The following ADGB variants were observed in gnomAD, a reference collection of about 807,000 sequenced individuals.
The protein encoded by ADGB is androglobin, also known as calpain-7-like protein.
ADGB carries 172 observed loss-of-function variants against 210.5 expected under a neutral mutation model. That is an observed-to-expected ratio of 0.82 (90% CI 0.72 to 0.93). ADGB has a LOEUF of 0.93. Ranked by LOEUF, ADGB falls within the 40% of genes least tolerant of loss-of-function variation. The pLI, the probability that ADGB is intolerant of heterozygous loss-of-function variation, is 0.00. For synonymous variants in ADGB, 658 were observed against 662.7 expected (o/e 0.99, Z 0.11); for missense variants, 2,025 against 1,964.8 (o/e 1.03, Z -0.58).
chr6:146,732,353 T>C (rs1282720789), intron 20 of ADGB, among the ~76,000 whole-genome samples: 2 of 152,172 alleles, frequency 1.3e-5, no homozygotes, highest in Non-Finnish European at 2.9e-5. Context: ...TGCCACCAAG[T>C]AACTGACTGG....
intron 25 of ADGB, among the ~76,000 whole-genome samples, chr6:146,743,637 G>A (rs1375162943): frequency 2.6e-5 from 4 of 152,184 alleles, no homozygotes; most frequent in African/African-American, 4.8e-5. Flanking sequence ...GTTAAGGCCG[G>A]GCGCAGTGGC....
chr6:146,632,331 C>A (rs1023089584), intron 1 of ADGB, among the ~76,000 whole-genome samples: 1 of 152,162 alleles, frequency 6.6e-6, no homozygotes, highest in East Asian at 1.9e-4. Context: ...TCTTCAGCAG[C>A]CACTTTTCCC....
chr6:146,797,556 TAC>T (rs1397568885), intron 33 of ADGB, among the ~76,000 whole-genome samples: 3 of 152,036 alleles, frequency 2.0e-5, no homozygotes, highest in Admixed American at 6.6e-5. Context: ...TATACATATA[TAC>T]ACACACACTG....
intron 13 of ADGB, among the ~76,000 whole-genome samples, chr6:146,707,888 T>C (rs2114553619): frequency 6.6e-6 from 1 of 152,232 alleles, no homozygotes; most frequent in Non-Finnish European, 1.5e-5. Context: ...TTAATTTTTT[T>C]CTGGTTGTTT....
In ADGB at chr6:146,724,223, T is replaced by C; in HGVS notation, c.2133T>C (p.Leu711=). The C allele has an allele frequency of 6.4e-7, 1 of 1,551,196 alleles. No homozygotes were observed. The highest frequency in any genetic ancestry group is 8.7e-7 in the Non-Finnish European group (1 of 1,146,774). The change falls in exon 18 of 36, where the codon CTT becomes CTC. Residue 711 remains leucine (L), a synonymous_variant. Coordinates refer to ENST00000397944, the MANE Select transcript of ADGB (RefSeq NM_024694.4). ...TKDSPPIEPG[L]LTAETFSWKS... ...ACAGTCCTCCCATAGAGCCTGGACTTCTCACAGCTGAAACGTTTTCTTGGA... is the reference window on the plus strand; with the variant it reads ...ACAGTCCTCCCATAGAGCCTGGACTCCTCACAGCTGAAACGTTTTCTTGGA...
At chr6:146,791,916 C>T (rs1165819140) in intron 33 of ADGB, among the ~76,000 whole-genome samples, 2 of 143,410 alleles carry the variant, frequency 1.4e-5, no homozygotes, top group African/African-American at 2.6e-5. Flanking sequence ...TGCCACTGCA[C>T]CTTGCTTTTT....
intron 27 of ADGB, among the ~76,000 whole-genome samples, chr6:146,753,482 A>G (rs1019581317): frequency 2.0e-5 from 3 of 151,996 alleles, no homozygotes; most frequent in African/African-American, 7.2e-5. Context: ...CCAAGGTTAA[A>G]TAACTGATGA....
intron 3 of ADGB, among the ~76,000 whole-genome samples, chr6:146,647,983 GT>G (rs1180100428): frequency 4.0e-5 from 6 of 151,666 alleles, no homozygotes; most frequent in Non-Finnish European, 7.4e-5. Context: ...ACATACAAAG[GT>G]TTTAAAAATA....
At chr6:146,721,770 G>A (rs1055558391) in intron 17 of ADGB, among the ~76,000 whole-genome samples, 17 of 152,174 alleles carry the variant, frequency 1.1e-4, no homozygotes, top group South Asian at 2.1e-4. Flanking sequence ...CCCAGGAGGC[G>A]GAGGTTGCAG....
intron 27 of ADGB, among the ~76,000 whole-genome samples, chr6:146,753,649 G>A (rs1343394001): frequency 2.0e-5 from 3 of 151,844 alleles, no homozygotes; most frequent in Non-Finnish European, 2.9e-5. Flanking sequence ...AACATTATTA[G>A]TTATTTGTTG....
intron 2 of ADGB, among the ~76,000 whole-genome samples, chr6:146,640,392 T>G (rs1775489576): frequency 6.6e-6 from 1 of 151,964 alleles, no homozygotes; most frequent in Admixed American, 6.6e-5. Flanking sequence ...AAGGAGGGAC[T>G]CCTCCCCAAG....
chr6:146,615,451 TTC>T (rs968580112), intron 1 of ADGB, among the ~76,000 whole-genome samples: 3 of 152,190 alleles, frequency 2.0e-5, no homozygotes, highest in African/African-American at 4.8e-5. Context: ...ACTCCAAATT[TTC>T]TCTTTCTGCT....
At chr6:146,814,448 T>A (rs1301460794) in intron 35 of ADGB, among the ~76,000 whole-genome samples, 1 of 152,180 alleles carries the variant, frequency 6.6e-6, no homozygotes, top group Non-Finnish European at 1.5e-5. Context: ...AATCAGTTGA[T>A]CCAGGAGGAG....
chr6:146,672,117 T>C, intron 7 of ADGB, 103 bp from the exon 8 acceptor site: 2 of 1,349,880 alleles, frequency 1.5e-6, no homozygotes, highest in Non-Finnish European at 2.0e-6. Flanking sequence ...ATTGAAATTA[T>C]TCATTAAATA....
intron 1 of ADGB, among the ~76,000 whole-genome samples, chr6:146,607,119 T>C (rs1780641809): frequency 6.6e-6 from 1 of 152,218 alleles, no homozygotes; most frequent in Non-Finnish European, 1.5e-5. Flanking sequence ...GTCATCTCCT[T>C]GGTTAGCTAT....
At position 146,803,571 on chromosome 6, in the gene ADGB, C is replaced by A; in HGVS notation, c.4818+1560C>A. 4 of 1,498,062 alleles carry A rather than the reference C, an allele frequency of 2.7e-6. No homozygotes were observed. In the South Asian group the frequency reaches 4.6e-5, roughly 17 times the overall value. 92.8% of individuals were successfully genotyped at this position (1,498,062 alleles called of 1,614,324 possible). ...CTGTTCTATTTATGTAAGCAGCCAA[C>A]TGTTTTGGAGACTTCTTAACCTCCT... On this transcript the variant is annotated intron_variant, in intron 35 of 35. Transcript: ENST00000397944.
intron 10 of ADGB, among the ~76,000 whole-genome samples, chr6:146,690,838 T>G (rs1213404593): frequency 6.6e-6 from 1 of 152,180 alleles, no homozygotes; most frequent in African/African-American, 2.4e-5. Context: ...GTGCTAAGAT[T>G]TTGTGCAATC....
chr6:146,635,666 T>C (rs1775409195), intron 2 of ADGB, 129 bp downstream of exon 2: 2 of 981,020 alleles, frequency 2.0e-6, no homozygotes, highest in Non-Finnish European at 2.8e-6. Flanking sequence ...TTTTTATTTT[T>C]CTATCAGCCC....
chr6:146,738,779 A>G (rs898660862), intron 23 of ADGB, among the ~76,000 whole-genome samples: 14 of 152,174 alleles, frequency 9.2e-5, no homozygotes, highest in African/African-American at 3.4e-4. Flanking sequence ...CATCTTAACA[A>G]TTCAATCCAA....
Sources: gnomAD v4.1 joint callset for allele counts (sites outside exome capture counted in the v4.1 genomes callset) on GRCh38, gnomAD v4.1.1 for gene constraint, MANE v1.5 for transcripts, NCBI Gene and HGNC (gene_info 2026-07-23, HGNC 2026-07-21) for gene names.